CAP2: variants seen among roughly 807,000 people sequenced by gnomAD.
The protein encoded by CAP2 is adenylyl cyclase-associated protein 2.
A neutral mutation model predicts 57.7 loss-of-function variants in CAP2; 24 were observed. The observed-to-expected ratio is 0.42, with a 90% CI of 0.30 to 0.58. The LOEUF is 0.58. Among genes scored for constraint, CAP2 ranks in the 20% least tolerant of loss-of-function variants. The probability of loss-of-function intolerance (pLI) is 0.22; values close to 1 mark genes in which losing one functional copy is unlikely to be tolerated. For synonymous variants in CAP2, 194 were observed against 207.2 expected, an observed-to-expected ratio of 0.94 and a Z score of 0.55; for missense variants, 501 against 590.3, an observed-to-expected ratio of 0.85 and a Z score of 1.57.
intron 1 of CAP2, among the ~76,000 whole-genome samples, chr6:17,404,868 T>C (rs1460366966): frequency 6.6e-6 from 1 of 152,208 alleles, no homozygotes; most frequent in Non-Finnish European, 1.5e-5. Flanking sequence ...TGTAGGCAGT[T>C]ATATCTTTAC....
At chr6:17,507,884 G>C (rs1459475802) in intron 6 of CAP2, among the ~76,000 whole-genome samples, 158 bp downstream of exon 6, 2 of 152,204 alleles carry the variant, frequency 1.3e-5, no homozygotes, top group Non-Finnish European at 2.9e-5. Flanking sequence ...ATAAAGTCAA[G>C]TGGAAAGTGG....
chr6:17,398,077 C>T (rs1758715957), intron 1 of CAP2, among the ~76,000 whole-genome samples: 3 of 152,138 alleles, frequency 2.0e-5, no homozygotes, highest in Non-Finnish European at 2.9e-5. Flanking sequence ...TATTTCCCAA[C>T]GTTTTAAGAA....
chr6:17,461,954 T>C (rs1403105618), intron 3 of CAP2, among the ~76,000 whole-genome samples: 41 of 119,742 alleles, frequency 3.4e-4, no homozygotes, highest in Admixed American at 4.7e-4. Flanking sequence ...GATCGCACCA[T>C]TGCACTCCAG....
intron 4 of CAP2, among the ~76,000 whole-genome samples, chr6:17,464,629 T>C (rs1446052205): frequency 6.6e-6 from 1 of 152,210 alleles, no homozygotes. Context: ...CGGGTGATTC[T>C]GACTTTCAAC....
chr6:17,434,661 A>C (rs1759826943), intron 3 of CAP2, among the ~76,000 whole-genome samples: 1 of 152,232 alleles, frequency 6.6e-6, no homozygotes, highest in Admixed American at 6.5e-5. Context: ...CCTGAAGGTG[A>C]TGACTTTTTA....
chr6:17,465,765 C>T (rs773462181), intron 4 of CAP2, among the ~76,000 whole-genome samples: 7 of 152,252 alleles, frequency 4.6e-5, no homozygotes, highest in South Asian at 2.1e-4. Flanking sequence ...CAACCACTTG[C>T]GAAAGGCGTG....
chr6:17,464,538 A>G (rs1270592659), intron 4 of CAP2, among the ~76,000 whole-genome samples: 1 of 152,160 alleles, frequency 6.6e-6, no homozygotes, highest in East Asian at 1.9e-4. Flanking sequence ...AAAAAATACC[A>G]GTACCTGGGT....
chr6:17,541,778 C>A (rs1029457496), intron 9 of CAP2, among the ~76,000 whole-genome samples: 2 of 152,166 alleles, frequency 1.3e-5, no homozygotes, highest in African/African-American at 4.8e-5. Context: ...TATGTTCGTA[C>A]CCATTAACCA....
intron 4 of CAP2, 136 bp from the exon 5 acceptor site, chr6:17,507,033 A>G (rs1231182653): frequency 1.2e-6 from 1 of 822,884 alleles, no homozygotes; most frequent in Non-Finnish European, 2.0e-6. Context: ...GCTGTTCTCA[A>G]AGATGATTAT....
At chr6:17,395,920 T>C (rs1285269898) in intron 1 of CAP2, among the ~76,000 whole-genome samples, 1 of 152,128 alleles carries the variant, frequency 6.6e-6, no homozygotes, top group Non-Finnish European at 1.5e-5. Context: ...AAGGGTCTTG[T>C]ATCCACAACA....
intron 6 of CAP2, among the ~76,000 whole-genome samples, chr6:17,509,617 G>C (rs965124018): frequency 2.0e-5 from 3 of 152,090 alleles, no homozygotes; most frequent in Non-Finnish European, 2.9e-5. Flanking sequence ...GGAGGTTGCA[G>C]TGAGCTGAGA....
chr6:17,439,346 C>T (rs1199729083), intron 3 of CAP2, among the ~76,000 whole-genome samples: 4 of 150,584 alleles, frequency 2.7e-5, no homozygotes, highest in Admixed American at 1.3e-4. Flanking sequence ...GCCTTTATCA[C>T]ATGCTAAACA....
At chr6:17,423,904 T>A (rs995597566) in intron 2 of CAP2, among the ~76,000 whole-genome samples, 2 of 152,212 alleles carry the variant, frequency 1.3e-5, no homozygotes, top group Non-Finnish European at 2.9e-5. Context: ...TAGTAAATTG[T>A]CTGAATGATA....
intron 7 of CAP2, among the ~76,000 whole-genome samples, chr6:17,517,184 G>C (rs980241578): frequency 1.3e-5 from 2 of 152,290 alleles, no homozygotes; most frequent in East Asian, 3.9e-4. Context: ...TGAAAATCAG[G>C]AGCCCTTGGC....
chr6:17,540,447 T>TAA (rs372796164), intron 8 of CAP2, among the ~76,000 whole-genome samples: 19 of 134,718 alleles, frequency 1.4e-4, no homozygotes, highest in South Asian at 1.2e-3. Flanking sequence ...TTCCTCAAAT[T>TAA]AAAAAAAAAA....
At chr6:17,472,874 ATTC>A (rs1421587104) in intron 4 of CAP2, among the ~76,000 whole-genome samples, 1 of 152,180 alleles carries the variant, frequency 6.6e-6, no homozygotes, top group Non-Finnish European at 1.5e-5. Flanking sequence ...TAATTCTGTC[ATTC>A]TTCTGCCCAG....
chr6:17,476,718 G>T (rs1761156769), intron 4 of CAP2, among the ~76,000 whole-genome samples: 1 of 152,124 alleles, frequency 6.6e-6, no homozygotes, highest in Non-Finnish European at 1.5e-5. Flanking sequence ...AGTATGTGAG[G>T]AGAGAGGATA....
At chr6:17,526,840 C>G (rs1169318127) in intron 7 of CAP2, among the ~76,000 whole-genome samples, 1 of 151,292 alleles carries the variant, frequency 6.6e-6, no homozygotes, top group Non-Finnish European at 1.5e-5. Flanking sequence ...GCCTATAGTC[C>G]CAGCTACCCG....
intron 1 of CAP2, among the ~76,000 whole-genome samples, chr6:17,409,022 G>C (rs754173459): frequency 1.3e-4 from 20 of 151,582 alleles, no homozygotes; most frequent in Non-Finnish European, 2.4e-4. Context: ...ATATCCCCCT[G>C]CTTGCAGTCT....
Sources: allele counts gnomAD v4.1 joint callset (sites outside exome capture counted in the v4.1 genomes callset), GRCh38; gene constraint gnomAD v4.1.1; transcripts MANE v1.5; gene names NCBI Gene and HGNC (gene_info 2026-07-23, HGNC 2026-07-21).